Variants in RNASE10 observed in about 807,000 individuals in gnomAD.
RNASE10 encodes inactive ribonuclease-like protein 10.
In RNASE10, 2 loss-of-function variants were observed where a neutral mutation model predicts 1.1. The ratio of observed to expected loss-of-function variants is 1.82; its 90% CI spans 0.74 to 5.73. The LOEUF (loss-of-function observed/expected upper bound fraction) is 5.73. Ranked by LOEUF, RNASE10 falls within the 30% of genes most tolerant of loss-of-function variation. The pLI is 0.05. For synonymous variants in RNASE10, 97 were observed against 96.2 expected, an observed-to-expected ratio of 1.01 and a Z score of -0.05; for missense variants, 276 against 263.4, an observed-to-expected ratio of 1.05 and a Z score of -0.33.
At chr14:20,511,110 A>C in exon 2 of RNASE10, 1 of 1,492,446 alleles carries the variant, frequency 6.7e-7, no homozygotes. Flanking sequence ...GCCAGTTACC[A>C]ACTGGACAAT....
upstream of RNASE10, among the ~76,000 whole-genome samples, chr14:20,504,303 G>C (rs541081693): frequency 6.6e-6 from 1 of 152,158 alleles, no homozygotes; most frequent in Non-Finnish European, 1.5e-5. Flanking sequence ...GGAAGAACTT[G>C]GGGAACGAGA....
At chr14:20,506,863 G>T (rs1882746009) in intron 1 of RNASE10, among the ~76,000 whole-genome samples, 3 of 127,796 alleles carry the variant, frequency 2.3e-5, no homozygotes, top group African/African-American at 6.4e-5. Context: ...GAGGTGAGGG[G>T]CGCCTCTGCC....
chr14:20,506,528 A>G (rs1394025803), intron 1 of RNASE10, among the ~76,000 whole-genome samples: 17 of 90,246 alleles, frequency 1.9e-4, no homozygotes, highest in South Asian at 9.0e-4. Flanking sequence ...CGCCCTATCC[A>G]GGAGGTGAGG....
intron 1 of RNASE10, among the ~76,000 whole-genome samples, chr14:20,509,273 T>G (rs1566537586): frequency 6.6e-6 from 1 of 152,238 alleles, no homozygotes; most frequent in African/African-American, 2.4e-5. Flanking sequence ...GATCTTGAAC[T>G]CCTACCTCAG....
intron 1 of RNASE10, among the ~76,000 whole-genome samples, chr14:20,508,224 G>C (rs1460324582): frequency 1.3e-5 from 2 of 152,072 alleles, no homozygotes; most frequent in Non-Finnish European, 2.9e-5. Context: ...TAAACAATCA[G>C]GGTACAGTTT....
At chr14:20,508,508 C>T (rs1433047573) in intron 1 of RNASE10, among the ~76,000 whole-genome samples, 3 of 152,140 alleles carry the variant, frequency 2.0e-5, no homozygotes, top group Admixed American at 6.5e-5. Context: ...TCAGATGCAC[C>T]GTCACAGTAT....
Position 20,506,638 on chromosome 14 carries a change from G to A in RNASE10, c.79+619G>A, listed in dbSNP as rs1357284186. Among the ~76,000 whole-genome samples the A allele has an allele frequency of 5.9e-3, 555 of 93,568 alleles. 28 individuals carry two copies. Among genetic ancestry groups the A allele is most frequent in the East Asian group, 0.017 (47 of 2,746 alleles). 61.4% of individuals were successfully genotyped at this position (93,568 alleles called of 152,430 possible). A position where few individuals can be genotyped will look rare whatever the true frequency, so the allele number is the denominator to read the frequency against. On this transcript the variant is annotated intron_variant, in intron 1 of 1. Transcript: ENST00000430083. The stretch of plus-strand genomic sequence containing the variant: ...AGGTGGGGGGATCAGCCCCCCGCCT[G>A]GCCAGCCGCCCAGTCCAGGAGGGAG...
chr14:20,507,469 AAC>A (rs1882775273), intron 1 of RNASE10, among the ~76,000 whole-genome samples: 1 of 136,180 alleles, frequency 7.3e-6, no homozygotes, highest in Admixed American at 7.4e-5. Flanking sequence ...CAGGGACACA[AAC>A]ACTGCGGAAG....
chr14:20,505,247 G>A (rs1594438646), upstream of RNASE10, among the ~76,000 whole-genome samples: 1 of 125,118 alleles, frequency 8.0e-6, no homozygotes, highest in South Asian at 2.7e-4. Context: ...TCATAAGGAT[G>A]AAAAAGTGAG....
chr14:20,508,675 G>T (rs1882814192), intron 1 of RNASE10, among the ~76,000 whole-genome samples: 1 of 151,868 alleles, frequency 6.6e-6, no homozygotes, highest in Non-Finnish European at 1.5e-5. Context: ...AGGAAAGGGG[G>T]GAAAAACATG....
chr14:20,506,283 C>T (rs866349581), intron 1 of RNASE10, among the ~76,000 whole-genome samples: 9,179 of 112,396 alleles, frequency 0.082, 155 homozygotes, highest in East Asian at 0.21. Context: ...CCCATCTGCC[C>T]GGCCAGCCGC....
downstream of RNASE10, among the ~76,000 whole-genome samples, chr14:20,512,958 T>C (rs988519660): frequency 6.6e-6 from 1 of 152,122 alleles, no homozygotes; most frequent in Non-Finnish European, 1.5e-5. Flanking sequence ...ACGTTAGCAA[T>C]CTGTCTGGTA....
downstream of RNASE10, among the ~76,000 whole-genome samples, chr14:20,513,245 C>T (rs138434302): frequency 9.9e-4 from 150 of 152,010 alleles, 1 homozygote; most frequent in African/African-American, 3.4e-3. Flanking sequence ...TTTGTTTAAT[C>T]TGACCACGTA....
At chr14:20,505,287 TCCC>T (rs1882667838), upstream of RNASE10, among the ~76,000 whole-genome samples, 1 of 35,942 alleles carries the variant, frequency 2.8e-5, no homozygotes, top group Non-Finnish European at 6.0e-5. Context: ...CCTCTCCCTC[TCCC>T]TCTCCCTCTC....
At position 20,508,308 on chromosome 14, in the gene RNASE10, C is replaced by T. The variant is rs189157667; in HGVS notation, c.80-2159C>T. Among the ~76,000 whole-genome samples the T allele has an allele frequency of 3.7e-4, 57 of 152,252 alleles. 2 individuals carry two copies. Among genetic ancestry groups the T allele is most frequent in the Admixed American group, 2.3e-3 (35 of 15,282 alleles). On this transcript the variant is annotated intron_variant, in intron 1 of 1. Transcript: ENST00000430083. ...AGTTTCAGTTACCCATGGTCAACGA[C>T]GGTCTGAAACTATTAAATGGCAAAT...
At chr14:20,511,959 A>G (rs114876407), downstream of RNASE10, among the ~76,000 whole-genome samples, 937 of 152,020 alleles carry the variant, frequency 6.2e-3, 12 homozygotes, top group African/African-American at 0.021. Context: ...TGTTGGTCCT[A>G]TAGTCAGTCA....
downstream of RNASE10, among the ~76,000 whole-genome samples, chr14:20,512,557 T>C (rs1281448309): frequency 6.6e-6 from 1 of 152,222 alleles, no homozygotes; most frequent in Non-Finnish European, 1.5e-5. Context: ...GGCTTGCATT[T>C]TCCTGTTCTT....
At chr14:20,504,475 C>T (rs1316559014), upstream of RNASE10, among the ~76,000 whole-genome samples, 1 of 151,798 alleles carries the variant, frequency 6.6e-6, no homozygotes. Context: ...GTCACGAGGT[C>T]GGGAGATCGA....
At chr14:20,511,050 A>C in exon 2 of RNASE10, 1 of 1,531,996 alleles carries the variant, frequency 6.5e-7, no homozygotes, top group South Asian at 1.3e-5. Context: ...GCAATTACCT[A>C]ACTTCTGTTA....
Sources: allele counts gnomAD v4.1 joint callset (sites outside exome capture counted in the v4.1 genomes callset), GRCh38; gene constraint gnomAD v4.1.1; transcripts MANE v1.5; gene names NCBI Gene and HGNC (gene_info 2026-07-23, HGNC 2026-07-21).